Variants in FBXL17 observed in about 807,000 individuals in gnomAD.
FBXL17 encodes F-box/LRR-repeat protein 17.
A neutral mutation model predicts 66.2 loss-of-function variants in FBXL17; 22 were observed. The ratio of observed to expected loss-of-function variants is 0.33; its 90% CI spans 0.24 to 0.47. FBXL17 has a LOEUF of 0.47. Ranked by LOEUF, FBXL17 falls within the 20% of genes least tolerant of loss-of-function variation. The pLI, the probability that FBXL17 is intolerant of heterozygous loss-of-function variation, is 1.00. For missense variants in FBXL17, 878 were observed against 948.2 expected (o/e 0.93, Z 0.97); for synonymous variants, 474 against 400.5 (o/e 1.18, Z -2.19).
At chr5:108,294,368 T>G (rs1036674081) in intron 4 of FBXL17, among the ~76,000 whole-genome samples, 1 of 151,298 alleles carries the variant, frequency 6.6e-6, no homozygotes. Flanking sequence ...ATTCTTCTTA[T>G]TTTATTGTCT....
chr5:108,062,616 T>A (rs1461456959), intron 6 of FBXL17, among the ~76,000 whole-genome samples: 1 of 152,194 alleles, frequency 6.6e-6, no homozygotes, highest in Non-Finnish European at 1.5e-5. Context: ...CTTCCTACTC[T>A]AATAAAACTT....
At chr5:107,944,682 C>T (rs900222671) in intron 7 of FBXL17, among the ~76,000 whole-genome samples, 2 of 152,136 alleles carry the variant, frequency 1.3e-5, no homozygotes, top group African/African-American at 4.8e-5. Flanking sequence ...TTTGATGAGA[C>T]TGCCACATGT....
chr5:108,202,972 G>T (rs1032396621), intron 5 of FBXL17, among the ~76,000 whole-genome samples: 1 of 151,856 alleles, frequency 6.6e-6, no homozygotes, highest in African/African-American at 2.4e-5. Context: ...AGCAGGAAAA[G>T]AAAAAAATTA....
intron 6 of FBXL17, among the ~76,000 whole-genome samples, chr5:108,033,555 A>C (rs1011323505): frequency 6.6e-6 from 1 of 152,004 alleles, no homozygotes; most frequent in South Asian, 2.1e-4. Context: ...ACTTTGTTTT[A>C]TTTTACAGTA....
At chr5:108,006,724 C>T (rs769428267) in intron 7 of FBXL17, among the ~76,000 whole-genome samples, 10 of 152,158 alleles carry the variant, frequency 6.6e-5, no homozygotes, top group African/African-American at 1.9e-4. Context: ...AAAGTCAAAA[C>T]GCAGCTTTAA....
intron 6 of FBXL17, among the ~76,000 whole-genome samples, chr5:108,024,597 TA>T (rs1218260838): frequency 6.6e-6 from 1 of 151,872 alleles, no homozygotes; most frequent in Non-Finnish European, 1.5e-5. Context: ...TGAAGAGAAT[TA>T]AAAAAAAGAC....
At chr5:108,223,556 AGCAGTAGAGATGACACATC>A (rs1166164024) in intron 5 of FBXL17, among the ~76,000 whole-genome samples, 4 of 152,194 alleles carry the variant, frequency 2.6e-5, no homozygotes, top group Admixed American at 6.5e-5. Flanking sequence ...AGCTCTGGAA[AGCAGTAGAGATGACACATC>A]GCAGTAGAGA....
chr5:107,882,897 C>A (rs1355338504), intron 7 of FBXL17, among the ~76,000 whole-genome samples: 1 of 152,158 alleles, frequency 6.6e-6, no homozygotes, highest in Non-Finnish European at 1.5e-5. Flanking sequence ...GAGGCTAGAA[C>A]ACGAAAGCCC....
At chr5:108,323,114 G>A (rs1215134931) in intron 4 of FBXL17, among the ~76,000 whole-genome samples, 1 of 150,904 alleles carries the variant, frequency 6.6e-6, no homozygotes, top group African/African-American at 2.4e-5. Context: ...GAAATTAGAG[G>A]GGAAAAAAAG....
At chr5:108,304,179 G>T (rs577334533) in intron 4 of FBXL17, among the ~76,000 whole-genome samples, 1 of 151,734 alleles carries the variant, frequency 6.6e-6, no homozygotes, top group African/African-American at 2.4e-5. Context: ...AAATAAATTC[G>T]CAGCAGCCAA....
At chr5:108,149,890 T>C (rs1170901251) in intron 6 of FBXL17, among the ~76,000 whole-genome samples, 3 of 152,208 alleles carry the variant, frequency 2.0e-5, no homozygotes, top group Non-Finnish European at 2.9e-5. Context: ...AGCAGAGAAT[T>C]CTTGAGAGAC....
chr5:107,901,783 G>C (rs113877024), intron 7 of FBXL17, among the ~76,000 whole-genome samples: 31 of 152,210 alleles, frequency 2.0e-4, no homozygotes, highest in African/African-American at 5.5e-4. Context: ...AAAGATAAAT[G>C]GCAACCAACA....
intron 6 of FBXL17, among the ~76,000 whole-genome samples, chr5:108,087,981 T>G (rs1304480457): frequency 6.6e-6 from 1 of 152,188 alleles, no homozygotes; most frequent in Non-Finnish European, 1.5e-5. Flanking sequence ...ACAAGAACCT[T>G]TTTCTTATTA....
chr5:107,944,993 A>G (rs1751233415), intron 7 of FBXL17, among the ~76,000 whole-genome samples: 1 of 152,108 alleles, frequency 6.6e-6, no homozygotes, highest in African/African-American at 2.4e-5. Flanking sequence ...ATGAATTTGG[A>G]GAATTCATAC....
chr5:108,074,229 A>C (rs949580978), intron 6 of FBXL17, among the ~76,000 whole-genome samples: 11 of 152,056 alleles, frequency 7.2e-5, no homozygotes, highest in African/African-American at 2.7e-4. Flanking sequence ...ACTTCAGAGA[A>C]TATCTTTCAT....
intron 4 of FBXL17, among the ~76,000 whole-genome samples, chr5:108,331,521 T>TGGTTTTTCC (rs1484878812): frequency 2.6e-5 from 4 of 152,238 alleles, no homozygotes; most frequent in Non-Finnish European, 5.9e-5. Flanking sequence ...ATATTTAATG[T>TGGTTTTTCC]GGTTTTTCCA....
chr5:107,887,454 A>G (rs1749012405), intron 7 of FBXL17, among the ~76,000 whole-genome samples: 1 of 152,184 alleles, frequency 6.6e-6, no homozygotes, highest in Non-Finnish European at 1.5e-5. Context: ...GGATCTATGT[A>G]CCTGTAATAA....
intron 4 of FBXL17, among the ~76,000 whole-genome samples, chr5:108,285,949 AAGC>A (rs1259970591): frequency 6.6e-6 from 1 of 151,958 alleles, no homozygotes; most frequent in East Asian, 1.9e-4. Flanking sequence ...CACCACAATT[AAGC>A]AGGTTATTTA....
chr5:107,902,692 C>A (rs193028969), intron 7 of FBXL17, among the ~76,000 whole-genome samples: 3 of 152,240 alleles, frequency 2.0e-5, no homozygotes, highest in East Asian at 3.9e-4. Context: ...CTAAAAATAT[C>A]TTTTAGTACT....
Sources: allele counts gnomAD v4.1 joint callset (sites outside exome capture counted in the v4.1 genomes callset), GRCh38; gene constraint gnomAD v4.1.1; transcripts MANE v1.5; gene names NCBI Gene and HGNC (gene_info 2026-07-23, HGNC 2026-07-21).